Variants in CTXN2 observed in about 807,000 individuals in gnomAD.
CTXN2 encodes cortexin 2, also known as cortexin-2.
A neutral mutation model predicts 5.7 loss-of-function variants in CTXN2; 3 were observed. That is an observed-to-expected ratio of 0.53 (90% CI 0.24 to 1.36). The LOEUF (loss-of-function observed/expected upper bound fraction) is 1.36, where lower values mean the gene tolerates loss of function less well. CTXN2 is among the 40% of genes most tolerant of loss of function. CTXN2 has a pLI of 0.17. For synonymous variants in CTXN2, 38 were observed against 36.4 expected, an observed-to-expected ratio of 1.04 and a Z score of -0.16; for missense variants, 87 against 93.0, an observed-to-expected ratio of 0.94 and a Z score of 0.26.
upstream of CTXN2, chr15:48,189,261 A>G (rs1372489861): frequency 1.3e-5 from 2 of 152,254 alleles, no homozygotes; most frequent in African/African-American, 2.4e-5. Context: ...TGTCAATGAC[A>G]TAACAAATCA....
chr15:48,184,104 T>TA (rs1409854829), intron 1 of CTXN2, among the ~76,000 whole-genome samples: 3 of 152,244 alleles, frequency 2.0e-5, no homozygotes, highest in African/African-American at 7.2e-5. Flanking sequence ...TTCATATTTT[T>TA]AAGTACTGTT....
At chr15:48,179,919 A>G (rs1313342314) in intron 1 of CTXN2, among the ~76,000 whole-genome samples, 3 of 152,160 alleles carry the variant, frequency 2.0e-5, no homozygotes, top group Admixed American at 2.0e-4. Context: ...CCAGTACAAT[A>G]TATTCTTGCA....
At chr15:48,191,447 C>CT (rs2040821080), upstream of CTXN2, 1 of 217,952 alleles carries the variant, frequency 4.6e-6, no homozygotes, top group Non-Finnish European at 9.6e-6. Flanking sequence ...CTTCCTCTTT[C>CT]TTTTAGCAGA....
Position 48,203,599 on chromosome 15 carries a change from G to T in CTXN2, c.*2053G>T, listed in dbSNP as rs934901206. The stretch of plus-strand genomic sequence containing the variant: ...TGATGACTAGAACAAACCAAGGCCA[G>T]ATCTTTATTTCAAAGGAAGAAAGAC... On this transcript the variant is annotated 3_prime_UTR_variant, in exon 2 of 2. Transcript: ENST00000417307. 1 of 166,770 alleles carries T rather than the reference G, an allele frequency of 6.0e-6. No homozygotes were observed. Among genetic ancestry groups the T allele is most frequent in the African/African-American group, 2.4e-5 (1 of 41,328 alleles). 10.3% of individuals were successfully genotyped at this position (166,770 alleles called of 1,614,324 possible).
chr15:48,186,057 A>T (rs1050615301), intron 1 of CTXN2, among the ~76,000 whole-genome samples: 4 of 152,182 alleles, frequency 2.6e-5, no homozygotes. Context: ...AAAATAACTT[A>T]AGCTAATCTC....
chr15:48,188,937 T>C (rs933107582), upstream of CTXN2: 6 of 152,222 alleles, frequency 3.9e-5, no homozygotes, highest in Non-Finnish European at 5.9e-5. Context: ...TATAGAACTT[T>C]GTAGAACTTA....
chr15:48,202,701 C>T lies in CTXN2; in HGVS notation c.*1155C>T, dbSNP rs1343926474. 6.0e-6 allele frequency: 1 copy of T among 166,976 alleles called. No homozygotes were observed. Among genetic ancestry groups the T allele is most frequent in the East Asian group, 1.9e-4 (1 of 5,194 alleles). The allele number at this position is 166,976 out of a possible 1,614,324, so 10.3% of individuals were successfully genotyped here. A position where few individuals can be genotyped will look rare whatever the true frequency, so the allele number is the denominator to read the frequency against. ...ATACCTTGCTATCAATATTTATTGT[C>T]CTCATCAGTAGCAGTAATAGAGATT... On this transcript the variant is annotated 3_prime_UTR_variant, in exon 2 of 2. Transcript: ENST00000417307.
chr15:48,184,768 A>G (rs1209259659), intron 1 of CTXN2, among the ~76,000 whole-genome samples: 2 of 152,214 alleles, frequency 1.3e-5, no homozygotes, highest in South Asian at 2.1e-4. Context: ...TAGTCTTACC[A>G]TAGAATCCAA....
chr15:48,184,561 T>G (rs1211118876), intron 1 of CTXN2, among the ~76,000 whole-genome samples: 1 of 152,134 alleles, frequency 6.6e-6, no homozygotes, highest in Non-Finnish European at 1.5e-5. Context: ...TAACATCAGA[T>G]GTACTGGGGG....
At chr15:48,193,884 T>C (rs1452275055) in intron 1 of CTXN2, among the ~76,000 whole-genome samples, 1 of 152,132 alleles carries the variant, frequency 6.6e-6, no homozygotes, top group Non-Finnish European at 1.5e-5. Context: ...ACAGAGCAAG[T>C]AAAATGGAAA....
chr15:48,182,560 T>C lies in CTXN2; in HGVS notation c.-455+4160T>C, dbSNP rs74672872. On this transcript the variant is annotated intron_variant, in intron 1 of 2. Coordinates refer to the CTXN2 transcript ENST00000644354. ...TCATGGTGTATTGCAAAATGGTAGATTGAAGTGATTTCATGTTACTATGTT... is the reference window on the plus strand; with the variant it reads ...TCATGGTGTATTGCAAAATGGTAGACTGAAGTGATTTCATGTTACTATGTT... Among the ~76,000 whole-genome samples the C allele has an allele frequency of 3.9e-3, 601 of 152,356 alleles. 4 individuals carry two copies. The highest frequency in any genetic ancestry group is 0.014 in the African/African-American group (572 of 41,574).
chr15:48,187,739 T>C (rs191334865), upstream of CTXN2, among the ~76,000 whole-genome samples: 1 of 152,336 alleles, frequency 6.6e-6, no homozygotes, highest in African/African-American at 2.4e-5. Context: ...TCATTACAGT[T>C]GGGCTATCAT....
chr15:48,180,972 T>C (rs983356290), intron 1 of CTXN2, among the ~76,000 whole-genome samples: 1 of 152,218 alleles, frequency 6.6e-6, no homozygotes, highest in African/African-American at 2.4e-5. Context: ...ACATAATCAC[T>C]TAGTTTTCTT....
At chr15:48,187,000 G>A (rs1338166101), upstream of CTXN2, among the ~76,000 whole-genome samples, 1 of 151,242 alleles carries the variant, frequency 6.6e-6, no homozygotes, top group Non-Finnish European at 1.5e-5. Context: ...TGCATTTACA[G>A]CAGAATTTTT....
Position 48,194,707 on chromosome 15 carries a change from C to T in CTXN2, c.-58+2854C>T, listed in dbSNP as rs144068875. On this transcript the variant is annotated intron_variant, in intron 1 of 1. Transcript: ENST00000417307. ...TTCCTTGGAGTTCCTTGCTAGGCTT[C>T]TTCCATCTTTAATCTTTTCTGGTAA... is the stretch of plus-strand genomic sequence containing the variant. Among the ~76,000 whole-genome samples the T allele has an allele frequency of 3.2e-3, 482 of 152,264 alleles. 1 individual carries two copies. The highest frequency in any genetic ancestry group is 0.011 in the African/African-American group (467 of 41,554).
rs1306266004 is a variant in CTXN2 at position 48,201,532 on chromosome 15, T to C, written c.232T>C (p.Tyr78His). ...VEEFDKGTFEYALA is the reference protein window; with the variant it reads ...VEEFDKGTFEHALA Reference sequence around the variant, plus strand: ...AGAGTTTGATAAAGGGACATTTGAATATGCACTCGCGTGAGAGTTCCAGCT... The same window carrying C: ...AGAGTTTGATAAAGGGACATTTGAACATGCACTCGCGTGAGAGTTCCAGCT... Residue 78 changes from tyrosine (Y) to histidine (H), a missense_variant, in exon 2 of 2, where the codon TAT becomes CAT. Physicochemically the swap from Tyr to His is moderately conservative, Grantham distance 83. Transcript: ENST00000417307. The C allele has an allele frequency of 6.4e-7, 1 of 1,551,046 alleles. No individual in the cohort carries two copies. The highest frequency in any genetic ancestry group is 2.4e-5 in the East Asian group (1 of 40,926).
chr15:48,183,017 T>C (rs1161824130), intron 1 of CTXN2, among the ~76,000 whole-genome samples: 3 of 152,214 alleles, frequency 2.0e-5, no homozygotes, highest in African/African-American at 7.2e-5. Flanking sequence ...AATTGATGGC[T>C]TCTCTTTCCC....
chr15:48,193,285 A>T (rs2040842084), intron 1 of CTXN2, among the ~76,000 whole-genome samples: 1 of 152,170 alleles, frequency 6.6e-6, no homozygotes, highest in African/African-American at 2.4e-5. Flanking sequence ...ATGGCTCAAG[A>T]CAATATTTTA....
At chr15:48,190,523 TA>T (rs1019897116), upstream of CTXN2, among the ~76,000 whole-genome samples, 131 of 152,268 alleles carry the variant, frequency 8.6e-4, no homozygotes, top group African/African-American at 3.2e-3. Context: ...TTACATTTCC[TA>T]AATCAGTAAA....
Sources: gnomAD v4.1 joint callset for allele counts (sites outside exome capture counted in the v4.1 genomes callset) on GRCh38, gnomAD v4.1.1 for gene constraint, MANE v1.5 for transcripts, NCBI Gene and HGNC (gene_info 2026-07-23, HGNC 2026-07-21) for gene names.